NRXN3: variants seen among roughly 807,000 people sequenced by gnomAD.
NRXN3 encodes neurexin III.
In NRXN3, 32 loss-of-function variants were observed where a neutral mutation model predicts 137.6. The observed-to-expected ratio is 0.23, with a 90% CI of 0.18 to 0.31. The LOEUF is 0.31. NRXN3 is among the 10% of genes least tolerant of loss of function. The probability of loss-of-function intolerance (pLI) is 1.00; values close to 1 mark genes in which losing one functional copy is unlikely to be tolerated. For synonymous variants in NRXN3, 798 were observed against 784.5 expected (o/e 1.02, Z -0.29); for missense variants, 1,574 against 2,062.5 (o/e 0.76, Z 4.59).
At chr14:79,719,595 T>C (rs1398138364) in intron 19 of NRXN3, among the ~76,000 whole-genome samples, 1 of 151,988 alleles carries the variant, frequency 6.6e-6, no homozygotes, top group Non-Finnish European at 1.5e-5. Context: ...AAACAAGGAA[T>C]ATATACGTAT....
At position 79,320,201 on chromosome 14, in the gene NRXN3, C is replaced by T. The variant is rs577416944; in HGVS notation, c.3263-147020C>T. On this transcript the variant is annotated intron_variant, in intron 15 of 20. Coordinates refer to ENST00000335750, the MANE Select transcript of NRXN3 (RefSeq NM_001330195.2). ...CAATTCCCTGTGTTCAATAAAAACACGTCTATGAAATGCTATTCATAAAAG... is the reference window on the plus strand; with the variant it reads ...CAATTCCCTGTGTTCAATAAAAACATGTCTATGAAATGCTATTCATAAAAG... Among the ~76,000 whole-genome samples, 10 of 152,264 alleles carry T rather than the reference C, an allele frequency of 6.6e-5. No homozygotes were observed. The South Asian group carries it at 8.3e-4, about 13-fold the overall frequency.
chr14:78,908,298 T>C (rs2152769139), intron 10 of NRXN3, among the ~76,000 whole-genome samples: 1 of 152,198 alleles, frequency 6.6e-6, no homozygotes, highest in Admixed American at 6.6e-5. Context: ...TAGTCCAATG[T>C]TTCAAGCTTT....
At chr14:79,285,187 C>T (rs1253823518) in intron 15 of NRXN3, among the ~76,000 whole-genome samples, 1 of 151,838 alleles carries the variant, frequency 6.6e-6, no homozygotes, top group Non-Finnish European at 1.5e-5. Context: ...AAACAAGACG[C>T]ACACACACAC....
chr14:78,949,535 C>T (rs115675057), intron 10 of NRXN3, among the ~76,000 whole-genome samples: 131 of 151,772 alleles, frequency 8.6e-4, no homozygotes, highest in African/African-American at 2.9e-3. Context: ...ATGTGCCATG[C>T]TTAGTTGTTG....
chr14:79,676,674 G>C (rs2098642540), intron 17 of NRXN3, among the ~76,000 whole-genome samples: 1 of 151,814 alleles, frequency 6.6e-6, no homozygotes, highest in Non-Finnish European at 1.5e-5. Context: ...TCATTTCAGT[G>C]TTTATATGTA....
intron 15 of NRXN3, among the ~76,000 whole-genome samples, chr14:79,257,275 T>C (rs1438126356): frequency 6.7e-6 from 1 of 150,328 alleles, no homozygotes; most frequent in Non-Finnish European, 1.5e-5. Flanking sequence ...TATCAGATAG[T>C]TCCTCCAGAT....
At chr14:78,855,422 T>C (rs1314516245) in intron 10 of NRXN3, among the ~76,000 whole-genome samples, 1 of 152,168 alleles carries the variant, frequency 6.6e-6, no homozygotes, top group Non-Finnish European at 1.5e-5. Context: ...AAAAAGCATG[T>C]GGACACTTTA....
At position 78,332,768 on chromosome 14, in the gene NRXN3, C is replaced by T. The variant is rs532540377; in HGVS notation, c.757+34908C>T. On this transcript the variant is annotated intron_variant, in intron 4 of 20. Coordinates refer to ENST00000335750, the MANE Select transcript of NRXN3 (RefSeq NM_001330195.2). Reference sequence around the variant, plus strand: ...AAAAATTATTGTGACTTAAAGGAATCGATATCTAATGATAGAATTCTAGTT... The same window carrying T: ...AAAAATTATTGTGACTTAAAGGAATTGATATCTAATGATAGAATTCTAGTT... 2.2e-3 allele frequency among the ~76,000 whole-genome samples: 335 copies of T among 152,088 alleles called. 2 individuals are homozygous for T. Among genetic ancestry groups the T allele is most frequent in the South Asian group, 4.6e-3 (22 of 4,830 alleles).
chr14:78,988,007 C>A lies in NRXN3; in HGVS notation c.3143-15C>A. 2 of 1,602,682 alleles carry A rather than the reference C, an allele frequency of 1.2e-6. No homozygotes were observed. Among genetic ancestry groups the A allele is most frequent in the Non-Finnish European group, 1.7e-6 (2 of 1,175,456 alleles). ...CTCCTTTTTCTTTTTTTCCCCTCTT[C>A]TTGTGCATTACTAGGACCCAGTACC... On this transcript the variant is annotated splice_polypyrimidine_tract_variant and intron_variant, in intron 14 of 20. Coordinates refer to ENST00000335750, the MANE Select transcript of NRXN3 (RefSeq NM_001330195.2).
intron 15 of NRXN3, among the ~76,000 whole-genome samples, chr14:79,052,515 G>A (rs2099643431): frequency 6.6e-6 from 1 of 152,188 alleles, no homozygotes; most frequent in South Asian, 2.1e-4. Context: ...ACTAGCCCTT[G>A]TCCTGATGGA....
At chr14:78,448,034 C>T (rs986716070) in intron 4 of NRXN3, among the ~76,000 whole-genome samples, 3 of 152,006 alleles carry the variant, frequency 2.0e-5, no homozygotes, top group African/African-American at 7.2e-5. Context: ...CTGGGTGTAT[C>T]TTCTTCATCT....
At chr14:79,769,414 C>A (rs2099068706) in intron 19 of NRXN3, among the ~76,000 whole-genome samples, 1 of 152,172 alleles carries the variant, frequency 6.6e-6, no homozygotes, top group South Asian at 2.1e-4. Context: ...ATCAGACTAA[C>A]AGCAGATCTC....
chr14:78,993,210 TA>T (rs2099522486), intron 15 of NRXN3, among the ~76,000 whole-genome samples: 6 of 152,180 alleles, frequency 3.9e-5, no homozygotes, highest in Admixed American at 6.5e-5. Flanking sequence ...TGGGTTTATT[TA>T]TTTTTTTAAT....
chr14:78,352,503 G>T (rs912208564), intron 4 of NRXN3, among the ~76,000 whole-genome samples: 4 of 152,138 alleles, frequency 2.6e-5, no homozygotes, highest in African/African-American at 9.7e-5. Context: ...TTGAGTCTGA[G>T]CCCACCATGA....
chr14:79,204,739 C>T (rs549622603), intron 15 of NRXN3, among the ~76,000 whole-genome samples: 2 of 152,274 alleles, frequency 1.3e-5, no homozygotes, highest in East Asian at 3.9e-4. Context: ...ATGTTACACT[C>T]CTGATTGCTT....
intron 15 of NRXN3, among the ~76,000 whole-genome samples, chr14:79,356,309 G>A (rs2093420672): frequency 6.6e-6 from 1 of 152,010 alleles, no homozygotes; most frequent in East Asian, 1.9e-4. Flanking sequence ...ATTTATGCAG[G>A]CATAGCTCCT....
At chr14:78,605,416 T>C (rs971527588) in intron 4 of NRXN3, among the ~76,000 whole-genome samples, 2 of 152,204 alleles carry the variant, frequency 1.3e-5, no homozygotes, top group African/African-American at 4.8e-5. Context: ...ATTTGAGTAA[T>C]GCCGTTGAAA....
intron 4 of NRXN3, among the ~76,000 whole-genome samples, chr14:78,313,667 C>T (rs746408902): frequency 7.2e-5 from 11 of 152,088 alleles, no homozygotes; most frequent in Non-Finnish European, 2.9e-5. Flanking sequence ...GGTGACACTA[C>T]TATATACGAT....
intron 16 of NRXN3, among the ~76,000 whole-genome samples, chr14:79,593,159 A>C (rs2097823991): frequency 6.6e-6 from 1 of 152,190 alleles, no homozygotes; most frequent in Non-Finnish European, 1.5e-5. Flanking sequence ...GTTCACTGTG[A>C]GAAAACTCTC....
Sources: gnomAD v4.1 joint callset for allele counts (sites outside exome capture counted in the v4.1 genomes callset) on GRCh38, gnomAD v4.1.1 for gene constraint, MANE v1.5 for transcripts, NCBI Gene and HGNC (gene_info 2026-07-23, HGNC 2026-07-21) for gene names.